The following SLC25A16 variants were observed in gnomAD, a reference collection of about 807,000 sequenced individuals.
SLC25A16 encodes mitochondrial coenzyme A transporter SLC25A16.
Under a neutral mutation model 41.5 loss-of-function variants are expected in SLC25A16, and 39 were observed. The ratio of observed to expected loss-of-function variants is 0.94; its 90% CI spans 0.73 to 1.23. The LOEUF (loss-of-function observed/expected upper bound fraction) is 1.23. Among genes scored for constraint, SLC25A16 ranks in the 50% most tolerant of loss-of-function variants. The pLI, the probability that SLC25A16 is intolerant of heterozygous loss-of-function variation, is 0.00. For synonymous variants in SLC25A16, 146 were observed against 147.8 expected, an observed-to-expected ratio of 0.99 and a Z score of 0.09; for missense variants, 421 against 426.9, an observed-to-expected ratio of 0.99 and a Z score of 0.12.
At chr10:68,516,969 G>T in intron 1 of SLC25A16, 126 bp from the exon 2 acceptor site, 1 of 1,016,844 alleles carries the variant, frequency 9.8e-7, no homozygotes, top group Non-Finnish European at 1.4e-6. Flanking sequence ...TCTGCCCACA[G>T]CGTATAGATA....
chr10:68,522,823 A>G (rs2053270460), intron 1 of SLC25A16, among the ~76,000 whole-genome samples: 1 of 150,696 alleles, frequency 6.6e-6, no homozygotes, highest in South Asian at 2.1e-4. Flanking sequence ...TCAAAAAAAA[A>G]AAAAAAAAAA....
In SLC25A16 at chr10:68,480,436, T is replaced by A. The variant is rs1015341114; in HGVS notation, c.*2996A>T. The stretch of plus-strand genomic sequence containing the variant: ...ATTCTATAACATATAGAATGCAAAT[T>A]TTTATTTAAAAGATATTTGCAATCC... On this transcript the variant is annotated 3_prime_UTR_variant, in exon 9 of 9. Coordinates refer to ENST00000609923, the MANE Select transcript of SLC25A16 (RefSeq NM_152707.4). 4 of 151,492 alleles carry A rather than the reference T, an allele frequency of 2.6e-5. No individual in the cohort carries two copies. Among genetic ancestry groups the A allele is most frequent in the Non-Finnish European group, 5.9e-5 (4 of 67,918 alleles). The allele number at this position is 151,492 out of a possible 1,614,324, so 9.4% of individuals were successfully genotyped here. A position where few individuals can be genotyped will look rare whatever the true frequency, so the allele number is the denominator to read the frequency against.
chr10:68,491,168 C>G (rs2052650871), intron 6 of SLC25A16, among the ~76,000 whole-genome samples: 1 of 152,084 alleles, frequency 6.6e-6, no homozygotes, highest in South Asian at 2.1e-4. Flanking sequence ...TGTGAGCCAC[C>G]ATGCCTGGCC....
At chr10:68,502,111 C>T (rs895047209) in intron 4 of SLC25A16, among the ~76,000 whole-genome samples, 3 of 78,614 alleles carry the variant, frequency 3.8e-5, no homozygotes, top group Admixed American at 3.2e-4. Flanking sequence ...AGGAGGATTG[C>T]TTGAACCTGG....
chr10:68,514,633 T>A (rs1399935899), intron 2 of SLC25A16, among the ~76,000 whole-genome samples: 1 of 152,214 alleles, frequency 6.6e-6, no homozygotes, highest in Non-Finnish European at 1.5e-5. Context: ...TTTACGCATA[T>A]TGCCAAAATG....
At chr10:68,525,266 GCTGGGAT>G (rs1243453606) in intron 1 of SLC25A16, among the ~76,000 whole-genome samples, 1 of 151,988 alleles carries the variant, frequency 6.6e-6, no homozygotes, top group African/African-American at 2.4e-5. Context: ...CTCCTGAGTA[GCTGGGAT>G]TACAGGCGAG....
rs1358383734 is a variant in SLC25A16 at position 68,480,840 on chromosome 10, A to G, written c.*2592T>C. On this transcript the variant is annotated 3_prime_UTR_variant, in exon 9 of 9. Coordinates refer to ENST00000609923, the MANE Select transcript of SLC25A16 (RefSeq NM_152707.4). ...TTAAATTATCTTAACATTTAATAAC[A>G]ATAATTAGCTACAGTGTGGTCTAGA... The G allele has an allele frequency of 6.6e-6, 1 of 151,522 alleles. No individual in the cohort carries two copies. The allele number at this position is 151,522 out of a possible 1,614,324, so 9.4% of individuals were successfully genotyped here. A position where few individuals can be genotyped will look rare whatever the true frequency, so the allele number is the denominator to read the frequency against.
chr10:68,525,834 G>A (rs1019524607), intron 1 of SLC25A16, among the ~76,000 whole-genome samples: 1 of 152,170 alleles, frequency 6.6e-6, no homozygotes, highest in African/African-American at 2.4e-5. Flanking sequence ...AACATGTGCT[G>A]TGTCACAGAG....
chr10:68,496,886 C>G (rs2052757700), intron 4 of SLC25A16: 1 of 164,264 alleles, frequency 6.1e-6, no homozygotes, highest in Non-Finnish European at 1.3e-5. Context: ...TCACTGCACA[C>G]TGCAGCCTCA....
At chr10:68,527,037 G>A (rs904113228) in intron 1 of SLC25A16, among the ~76,000 whole-genome samples, 3 of 152,138 alleles carry the variant, frequency 2.0e-5, no homozygotes, top group Non-Finnish European at 2.9e-5. Flanking sequence ...AGCCTCTGCC[G>A]GAGTGCCAAA....
At chr10:68,505,729 C>T (rs1018441849) in intron 3 of SLC25A16, among the ~76,000 whole-genome samples, 9 of 151,568 alleles carry the variant, frequency 5.9e-5, no homozygotes, top group Non-Finnish European at 1.0e-4. Flanking sequence ...AGTGAAACTC[C>T]GTCTGAAAAA....
At chr10:68,487,582 TG>T (rs1188488174) in intron 7 of SLC25A16, among the ~76,000 whole-genome samples, 3 of 152,204 alleles carry the variant, frequency 2.0e-5, no homozygotes, top group Non-Finnish European at 4.4e-5. Flanking sequence ...TCCTTTGTTG[TG>T]GGGAACTGTC....
chr10:68,518,332 C>A (rs937417614), intron 1 of SLC25A16: 1 of 151,826 alleles, frequency 6.6e-6, no homozygotes, highest in East Asian at 1.9e-4. Context: ...GAAGAAGAAT[C>A]TCTTGAACCC....
intron 1 of SLC25A16, among the ~76,000 whole-genome samples, chr10:68,519,016 A>G (rs1004684742): frequency 8.7e-5 from 13 of 150,114 alleles, no homozygotes; most frequent in African/African-American, 3.2e-4. Flanking sequence ...AACATGGAGA[A>G]ACCCTGTCTC....
In SLC25A16 at chr10:68,478,143, T is replaced by C. The variant is rs1279699467; in HGVS notation, c.*5289A>G. On this transcript the variant is annotated 3_prime_UTR_variant, in exon 9 of 9. Coordinates refer to ENST00000609923, the MANE Select transcript of SLC25A16 (RefSeq NM_152707.4). ...ATTCAGACCGGCTGAATTTGAATCC[T>C]AGATCTGCCACTTACATGAACCTGG... 1 of 152,226 alleles carries C rather than the reference T, an allele frequency of 6.6e-6. No homozygotes were observed. Among genetic ancestry groups the C allele is most frequent in the Non-Finnish European group, 1.5e-5 (1 of 68,046 alleles). 9.4% of individuals were successfully genotyped at this position (152,226 alleles called of 1,614,324 possible).
At chr10:68,513,126 A>C (rs1219404644) in intron 2 of SLC25A16, among the ~76,000 whole-genome samples, 2 of 151,838 alleles carry the variant, frequency 1.3e-5, no homozygotes, top group African/African-American at 2.4e-5. Flanking sequence ...CAGGAGGATC[A>C]CTTGAAGTCA....
intron 7 of SLC25A16, among the ~76,000 whole-genome samples, chr10:68,487,805 CTAA>C (rs991423775): frequency 8.6e-4 from 131 of 152,302 alleles, no homozygotes; most frequent in African/African-American, 3.0e-3. Flanking sequence ...AGGGCTAAAA[CTAA>C]TAATACAGAT....
chr10:68,492,292 A>T (rs1372785718), intron 6 of SLC25A16, among the ~76,000 whole-genome samples: 3 of 152,184 alleles, frequency 2.0e-5, no homozygotes, highest in Non-Finnish European at 4.4e-5. Context: ...ATATAAAATC[A>T]ACTCCTTCGG....
At position 68,478,263 on chromosome 10, in the gene SLC25A16, A is replaced by T. The variant is rs534413383; in HGVS notation, c.*5169T>A. On this transcript the variant is annotated 3_prime_UTR_variant, in exon 9 of 9. Transcript: ENST00000609923. ...TATCATAGTATTGTAATGGAGATTG[A>T]GCTAAGGCATCAAAGGTGCTTAAAA... 6.6e-6 allele frequency: 1 copy of T among 152,340 alleles called. No individual in the cohort carries two copies. The highest frequency in any genetic ancestry group is 2.4e-5 in the African/African-American group (1 of 41,584). The allele number at this position is 152,340 out of a possible 1,614,324, so 9.4% of individuals were successfully genotyped here. A position where few individuals can be genotyped will look rare whatever the true frequency, so the allele number is the denominator to read the frequency against.
Sources: allele counts gnomAD v4.1 joint callset (sites outside exome capture counted in the v4.1 genomes callset), GRCh38; gene constraint gnomAD v4.1.1; transcripts MANE v1.5; gene names NCBI Gene and HGNC (gene_info 2026-07-23, HGNC 2026-07-21).